Variants in METTL17 observed in about 807,000 individuals in gnomAD.
METTL17 encodes the protein ribosome assembly protein METTL17, mitochondrial.
METTL17 carries 49 observed loss-of-function variants against 59.4 expected under a neutral mutation model. The observed-to-expected ratio is 0.82, with a 90% CI of 0.66 to 1.05. The LOEUF (loss-of-function observed/expected upper bound fraction) is 1.05, where lower values mean the gene tolerates loss of function less well. METTL17 is among the 50% of genes least tolerant of loss of function. The pLI is 0.00. For missense variants in METTL17, 555 were observed against 578.4 expected (o/e 0.96, Z 0.41); for synonymous variants, 208 against 209.2 (o/e 0.99, Z 0.05).
rs1566433130 is a variant in METTL17, at chr14:20,994,056, A to G, written c.690A>G (p.Leu230=). Residue 230 remains leucine, a synonymous_variant, in exon 7 of 14, where the codon CTA becomes CTG. Transcript: ENST00000339374. ...CCATGTTGGTTTTGGCAGAAAAACT[A>G]CTGAAAGGTGAGTGCAAGAGCACTT... ...SAAMLVLAEK[L]LKGGSESGEP... The G allele has an allele frequency of 1.9e-6, 3 of 1,613,542 alleles. No individual in the cohort carries two copies. Among genetic ancestry groups the G allele is most frequent in the Admixed American group, 1.7e-5 (1 of 60,008 alleles).
At chr14:20,993,636 A>G (rs1431551038) in intron 6 of METTL17, 6 of 216,296 alleles carry the variant, frequency 2.8e-5, no homozygotes, top group East Asian at 2.5e-4. Context: ...CACCACACCC[A>G]GCTAATTTTT....
rs752617524 is a variant in METTL17 at position 20,993,987 on chromosome 14, G to A, written c.621G>A (p.Trp207Ter). The A allele has an allele frequency of 3.1e-6, 5 of 1,613,492 alleles. No homozygotes were observed. The highest frequency in any genetic ancestry group is 4.5e-5 in the East Asian group (2 of 44,838). ...ATCTTAGGGCTGCTCACAGTATTTG[G>A]GGCCAGAGCCTACGTGAATATATGT... is the stretch of plus-strand genomic sequence containing the variant. ...GSVTWAAHSI[W>*]GQSLREYMCV... The change falls in exon 7 of 14, where the codon TGG (tryptophan) becomes TGA (stop). Residue 207 changes from tryptophan (W) to a stop codon, truncating the protein, a stop_gained. Coordinates refer to ENST00000339374, the MANE Select transcript of METTL17 (RefSeq NM_022734.3). LOFTEE classifies it high-confidence loss of function.
chr14:20,991,859 T>C, intron 3 of METTL17: 1 of 342,090 alleles, frequency 2.9e-6, no homozygotes, highest in Non-Finnish European at 5.3e-6. Context: ...CACTTTCCTT[T>C]AATATAAAAC....
In METTL17 at chr14:20,995,151, C is replaced by G; in HGVS notation, c.877-14C>G. Reference sequence around the variant, plus strand: ...AATTCAAGTCTTCTGCATATTTTCCCCTTTTGTGAACAGGTACTGGTGGAG... The same window carrying G: ...AATTCAAGTCTTCTGCATATTTTCCGCTTTTGTGAACAGGTACTGGTGGAG... On this transcript the variant is annotated splice_polypyrimidine_tract_variant and intron_variant, in intron 9 of 13. Coordinates refer to ENST00000339374, the MANE Select transcript of METTL17 (RefSeq NM_022734.3). The G allele has an allele frequency of 6.2e-7, 1 of 1,612,522 alleles. No homozygotes were observed. The highest frequency in any genetic ancestry group is 1.1e-5 in the South Asian group (1 of 90,996).
In METTL17 at chr14:20,996,545, GA is replaced by G. The variant is rs1405099493; in HGVS notation, c.1103del (p.Lys368SerfsTer5). On this transcript the variant is annotated frameshift_variant, in exon 13 of 14. Coordinates refer to ENST00000339374, the MANE Select transcript of METTL17 (RefSeq NM_022734.3). LOFTEE classifies it high-confidence loss of function. ...PFSWNKKPKE[E>X]KFSMVILARG... ...ATCTTAGAACAAGAAACCAAAGGAAGAAAAGTTCTCTATGGTGATCCTTGCT... is the reference window on the plus strand; with the variant it reads ...ATCTTAGAACAAGAAACCAAAGGAAGAAAGTTCTCTATGGTGATCCTTGCT... 10 of 1,611,186 alleles carry G rather than the reference GA, an allele frequency of 6.2e-6. No individual in the cohort carries two copies. Among genetic ancestry groups the G allele is most frequent in the Non-Finnish European group, 8.5e-6 (10 of 1,177,620 alleles).
In METTL17 at chr14:20,990,860, C is replaced by G. The variant is rs143785230; in HGVS notation, c.364+262C>G. 2.1e-3 allele frequency: 898 copies of G among 438,014 alleles called. 9 individuals carry two copies. The highest frequency in any genetic ancestry group is 0.016 in the African/African-American group (787 of 49,358). 27.1% of individuals were successfully genotyped at this position (438,014 alleles called of 1,614,324 possible). A position where few individuals can be genotyped will look rare whatever the true frequency, so the allele number is the denominator to read the frequency against. ...TTTTGTTTTTGCTTTGAGACAGAGTCTTGCTCTGTCACCCAGGCTGAAGTG... is the reference window on the plus strand; with the variant it reads ...TTTTGTTTTTGCTTTGAGACAGAGTGTTGCTCTGTCACCCAGGCTGAAGTG... On this transcript the variant is annotated intron_variant, in intron 3 of 13. Transcript: ENST00000339374.
At chr14:20,991,563 C>G (rs1448717817) in intron 3 of METTL17, among the ~76,000 whole-genome samples, 1 of 151,552 alleles carries the variant, frequency 6.6e-6, no homozygotes, top group Non-Finnish European at 1.5e-5. Context: ...CAGAGTCTTG[C>G]TCTGTTGCCC....
chr14:20,994,471 C>A, intron 7 of METTL17, 72 bp from the exon 8 acceptor site: 1 of 1,301,580 alleles, frequency 7.7e-7, no homozygotes, highest in South Asian at 1.2e-5. Flanking sequence ...GGCCATGTTT[C>A]TTATCTGGAT....
rs756316601 is a variant in METTL17 at position 20,994,556 on chromosome 14, TG to T, written c.715del (p.Glu239SerfsTer23). The T allele has an allele frequency of 3.1e-6, 5 of 1,614,216 alleles. No homozygotes were observed. The Admixed American group carries it at 8.3e-5, about 27-fold the overall frequency. On this transcript the variant is annotated frameshift_variant, in exon 8 of 14. Transcript: ENST00000339374. LOFTEE classifies it high-confidence loss of function. ...EKLLKGGSES[G>X]EPYIPGVFFR... ...TTTTCTCCACAGGTGGTTCAGAATC[TG>T]GGGAGCCTTATATTCCAGGTGTCTT... is the stretch of plus-strand genomic sequence containing the variant.
chr14:20,994,143 G>T, intron 7 of METTL17, 80 bp downstream of exon 7: 1 of 997,968 alleles, frequency 1.0e-6, no homozygotes. Flanking sequence ...CTGGGAAGTA[G>T]AGAAGAGGGT....
chr14:20,994,683 C>T, intron 8 of METTL17, 70 bp downstream of exon 8: 1 of 1,536,602 alleles, frequency 6.5e-7, no homozygotes, highest in Non-Finnish European at 9.0e-7. Context: ...TTGAGCTTTG[C>T]AGCCCAGCAC....
chr14:20,994,283 C>CTT (rs370656915), intron 7 of METTL17, among the ~76,000 whole-genome samples: 6 of 138,846 alleles, frequency 4.3e-5, no homozygotes, highest in Admixed American at 7.3e-5. Flanking sequence ...TCTCCCTGCC[C>CTT]TTTTTTTTTT....
intron 12 of METTL17, 45 bp from the exon 13 acceptor site, chr14:20,996,482 C>G: frequency 6.4e-7 from 1 of 1,570,412 alleles, no homozygotes; most frequent in South Asian, 1.2e-5. Flanking sequence ...AAACTTTTTT[C>G]CCATATCTTT....
chr14:20,992,527 G>T lies in METTL17; in HGVS notation c.447-14G>T. On this transcript the variant is annotated splice_polypyrimidine_tract_variant and intron_variant, in intron 4 of 13. Transcript: ENST00000339374. ...TATTTACTAGTATGTACAACTCTGT[G>T]ATTTTAATGGCAGCTACACTGAGGG... is the stretch of plus-strand genomic sequence containing the variant. 1 of 1,606,920 alleles carries T rather than the reference G, an allele frequency of 6.2e-7. No individual in the cohort carries two copies. Among genetic ancestry groups the T allele is most frequent in the Non-Finnish European group, 8.5e-7 (1 of 1,173,546 alleles).
In METTL17 at chr14:20,989,991, G is replaced by T. The variant is rs1360968614; in HGVS notation, c.-12G>T. The T allele has an allele frequency of 6.3e-7, 1 of 1,576,110 alleles. No individual in the cohort carries two copies. Among genetic ancestry groups the T allele is most frequent in the South Asian group, 1.1e-5 (1 of 87,698 alleles). The stretch of plus-strand genomic sequence containing the variant: ...GCACCTGTATTTCCGTTTCCGGTTC[G>T]CCTCCGGAGCCATGGCGGCGGCACT... On this transcript the variant is annotated 5_prime_UTR_variant, in exon 1 of 14. Coordinates refer to ENST00000339374, the MANE Select transcript of METTL17 (RefSeq NM_022734.3).
At position 20,990,212 on chromosome 14, in the gene METTL17, A is replaced by G; in HGVS notation, c.76-18A>G. The G allele has an allele frequency of 1.2e-6, 2 of 1,613,980 alleles. No homozygotes were observed. The highest frequency in any genetic ancestry group is 1.7e-6 in the Non-Finnish European group (2 of 1,180,002). The stretch of plus-strand genomic sequence containing the variant: ...TTCCTTTCTGCCAGGAAATCAACCT[A>G]CCTTTCTCTGCCTGCAGGCGCTCGC... On this transcript the variant is annotated intron_variant, in intron 1 of 13. Coordinates refer to ENST00000339374, the MANE Select transcript of METTL17 (RefSeq NM_022734.3).
At chr14:20,992,864 T>A in intron 5 of METTL17, 1 of 602,502 alleles carries the variant, frequency 1.7e-6, no homozygotes. Context: ...TCCAGCCTGG[T>A]GACAGAGTGA....
intron 4 of METTL17, 82 bp from the exon 5 acceptor site, chr14:20,992,459 G>C: frequency 1.7e-6 from 2 of 1,186,338 alleles, no homozygotes; most frequent in Admixed American, 1.7e-5. Context: ...CCCTTTCCAA[G>C]ATGTCATTTT....
Position 20,990,031 on chromosome 14 carries a change from C to T in METTL17, c.29C>T (p.Thr10Ile). ...GCGGCGGCACTGAAGTGTCTACTGA[C>T]ATTAGGAAGATGGTGCCCCGGCCTT... MAAALKCLL[T>I]LGRWCPGLGV... The change falls in exon 1 of 14, where the codon ACA becomes ATA. Residue 10 changes from threonine (T) to isoleucine (I), a missense_variant. Coordinates refer to ENST00000339374, the MANE Select transcript of METTL17 (RefSeq NM_022734.3). 6.2e-7 allele frequency: 1 copy of T among 1,612,818 alleles called. No homozygotes were observed. Among genetic ancestry groups the T allele is most frequent in the South Asian group, 1.1e-5 (1 of 91,022 alleles).
Sources: allele counts gnomAD v4.1 joint callset (sites outside exome capture counted in the v4.1 genomes callset), GRCh38; gene constraint gnomAD v4.1.1; transcripts MANE v1.5; gene names NCBI Gene and HGNC (gene_info 2026-07-23, HGNC 2026-07-21).